TAFA2: variants seen among roughly 807,000 people sequenced by gnomAD.
TAFA2 encodes the protein chemokine-like protein TAFA-2.
In TAFA2, 7 loss-of-function variants were observed where a neutral mutation model predicts 18.8. That is an observed-to-expected ratio of 0.37 (90% CI 0.21 to 0.70). TAFA2 has a LOEUF of 0.70. Among genes scored for constraint, TAFA2 ranks in the 30% least tolerant of loss-of-function variants. TAFA2 has a pLI of 0.53. For missense variants in TAFA2, 122 were observed against 158.1 expected, an observed-to-expected ratio of 0.77 and a Z score of 1.23; for synonymous variants, 60 against 54.2, an observed-to-expected ratio of 1.11 and a Z score of -0.47.
At chr12:61,844,027 A>C (rs1873299741) in intron 2 of TAFA2, among the ~76,000 whole-genome samples, 2 of 152,166 alleles carry the variant, frequency 1.3e-5, no homozygotes, top group Admixed American at 1.3e-4. Flanking sequence ...TAATCATAAA[A>C]ATGTTTAATA....
intron 2 of TAFA2, among the ~76,000 whole-genome samples, chr12:61,811,427 A>G (rs1254560545): frequency 1.3e-5 from 2 of 151,420 alleles, no homozygotes; most frequent in Non-Finnish European, 2.9e-5. Context: ...CAGCAAGAGA[A>G]CGGCAAACTT....
At chr12:62,179,086 T>C (rs1345703201) in intron 1 of TAFA2, among the ~76,000 whole-genome samples, 1 of 152,220 alleles carries the variant, frequency 6.6e-6, no homozygotes, top group Admixed American at 6.5e-5. Flanking sequence ...ATAGCACTAT[T>C]TAAGTATAGT....
At chr12:61,735,152 C>T (rs1222594520) in intron 4 of TAFA2, among the ~76,000 whole-genome samples, 1 of 152,018 alleles carries the variant, frequency 6.6e-6, no homozygotes, top group East Asian at 1.9e-4. Flanking sequence ...TATGTGGTTT[C>T]CTCCTGAGGA....
chr12:62,169,776 G>T (rs900600357), intron 1 of TAFA2, among the ~76,000 whole-genome samples: 5 of 151,348 alleles, frequency 3.3e-5, no homozygotes, highest in Non-Finnish European at 7.4e-5. Flanking sequence ...GCATGAACCC[G>T]GGAGGCGGAG....
At chr12:62,142,929 T>C (rs2062250055) in intron 1 of TAFA2, among the ~76,000 whole-genome samples, 1 of 152,196 alleles carries the variant, frequency 6.6e-6, no homozygotes, top group African/African-American at 2.4e-5. Context: ...AGTACTACTA[T>C]TGTTTTCATT....
chr12:61,902,048 T>A (rs2168453), intron 1 of TAFA2, among the ~76,000 whole-genome samples: 38,200 of 146,666 alleles, frequency 0.26, 5,699 homozygotes, highest in East Asian at 0.38. Context: ...CCAGTTAAAC[T>A]ATTTTATTAA....
chr12:62,226,789 C>T (rs1057283300), intron 1 of TAFA2, among the ~76,000 whole-genome samples: 17 of 152,304 alleles, frequency 1.1e-4, no homozygotes, highest in African/African-American at 4.1e-4. Context: ...CTTTACTTTT[C>T]ACTCACAATC....
At chr12:62,214,431 GC>G (rs896517749) in intron 1 of TAFA2, among the ~76,000 whole-genome samples, 2 of 152,052 alleles carry the variant, frequency 1.3e-5, no homozygotes, top group Non-Finnish European at 2.9e-5. Context: ...TGATTGTGAG[GC>G]CTCCCCAGCC....
intron 2 of TAFA2, among the ~76,000 whole-genome samples, chr12:61,823,155 C>A (rs1565646291): frequency 6.6e-6 from 1 of 151,896 alleles, no homozygotes; most frequent in Non-Finnish European, 1.5e-5. Flanking sequence ...AGTAAAATAT[C>A]ATTATAATTT....
At chr12:62,015,832 C>A (rs1565716922) in intron 1 of TAFA2, among the ~76,000 whole-genome samples, 1 of 152,164 alleles carries the variant, frequency 6.6e-6, no homozygotes, top group African/African-American at 2.4e-5. Flanking sequence ...AAAGCTGAGA[C>A]ATGAGTGGTC....
At chr12:61,791,110 C>T (rs1870958746) in intron 2 of TAFA2, among the ~76,000 whole-genome samples, 1 of 151,758 alleles carries the variant, frequency 6.6e-6, no homozygotes, top group Non-Finnish European at 1.5e-5. Flanking sequence ...AGGGAAAAGA[C>T]TGTCTCATCA....
upstream of TAFA2, among the ~76,000 whole-genome samples, chr12:62,194,328 T>C (rs61919197): frequency 0.22 from 758 of 3,512 alleles, 5 homozygotes; most frequent in Non-Finnish European, 0.26. Flanking sequence ...CACACACACA[T>C]ACAAAAAAAC....
At chr12:61,734,170 T>G (rs1868266160) in intron 4 of TAFA2, among the ~76,000 whole-genome samples, 1 of 151,722 alleles carries the variant, frequency 6.6e-6, no homozygotes, top group Admixed American at 6.6e-5. Context: ...AAGGAGATTT[T>G]GGGCTGAGAT....
intron 3 of TAFA2, 149 bp from the exon 4 acceptor site, chr12:61,753,895 C>A (rs1260109753): frequency 1.8e-6 from 1 of 554,268 alleles, no homozygotes; most frequent in Non-Finnish European, 3.0e-6. Flanking sequence ...TTCAAAAGGA[C>A]AAAACCTTTC....
intron 2 of TAFA2, among the ~76,000 whole-genome samples, chr12:61,757,369 G>C (rs1371525973): frequency 6.6e-6 from 1 of 152,044 alleles, no homozygotes; most frequent in Admixed American, 6.6e-5. Context: ...AGTTCTGATG[G>C]ATAGAGAAGG....
rs941654877 is a variant in TAFA2 at position 61,879,587 on chromosome 12, C to T, written c.-1-12161G>A. On this transcript the variant is annotated intron_variant, in intron 1 of 4. Transcript: ENST00000416284. ...CCCAACATCCAGGCCAGGTTCTGCACACCCAGGAGAAGGAGCAGATCAAGA... is the reference window on the plus strand; with the variant it reads ...CCCAACATCCAGGCCAGGTTCTGCATACCCAGGAGAAGGAGCAGATCAAGA... 7.1e-5 allele frequency: 54 copies of T among 761,434 alleles called. 1 individual carries two copies. Among genetic ancestry groups the T allele is most frequent in the South Asian group, 4.4e-4 (32 of 72,194 alleles). The allele number at this position is 761,434 out of a possible 1,614,324, so 47.2% of individuals were successfully genotyped here. A position where few individuals can be genotyped will look rare whatever the true frequency, so the allele number is the denominator to read the frequency against.
At chr12:61,718,072 T>C (rs562810798) in intron 4 of TAFA2, among the ~76,000 whole-genome samples, 8 of 152,322 alleles carry the variant, frequency 5.3e-5, no homozygotes, top group South Asian at 4.1e-4. Flanking sequence ...CTAATCATTA[T>C]ATCAGAATGC....
chr12:61,900,484 T>C (rs1181337384), intron 1 of TAFA2, among the ~76,000 whole-genome samples: 1 of 152,170 alleles, frequency 6.6e-6, no homozygotes, highest in Admixed American at 6.5e-5. Flanking sequence ...TTTAATTGAC[T>C]TACAGTTAAG....
intron 1 of TAFA2, among the ~76,000 whole-genome samples, chr12:62,156,588 A>G (rs1207867750): frequency 6.6e-6 from 1 of 152,140 alleles, no homozygotes; most frequent in Non-Finnish European, 1.5e-5. Context: ...ACTGTAATAT[A>G]TATATAATAT....
Sources: gnomAD v4.1 joint callset for allele counts (sites outside exome capture counted in the v4.1 genomes callset) on GRCh38, gnomAD v4.1.1 for gene constraint, MANE v1.5 for transcripts, NCBI Gene and HGNC (gene_info 2026-07-23, HGNC 2026-07-21) for gene names.